Variants in SLC4A5 observed in about 807,000 individuals in gnomAD.
The protein encoded by SLC4A5 is electrogenic sodium bicarbonate cotransporter 4.
A neutral mutation model predicts 120.4 loss-of-function variants in SLC4A5; 96 were observed. That is an observed-to-expected ratio of 0.80 (90% confidence interval 0.68 to 0.94). SLC4A5 has a LOEUF of 0.94. Among genes scored for constraint, SLC4A5 ranks in the 40% least tolerant of loss-of-function variants. The pLI is 0.00. For missense variants in SLC4A5, 1,259 were observed against 1,459.5 expected (o/e 0.86, Z 2.24); for synonymous variants, 550 against 571.1 (o/e 0.96, Z 0.53).
chr2:74,316,869 T>C (rs1672982094), intron 5 of SLC4A5, among the ~76,000 whole-genome samples: 1 of 152,262 alleles, frequency 6.6e-6, no homozygotes, highest in Admixed American at 6.5e-5. Context: ...AACCATGGAC[T>C]GGTTCTGGTC....
chr2:74,311,795 T>G (rs1367706772), intron 6 of SLC4A5, among the ~76,000 whole-genome samples: 1 of 152,226 alleles, frequency 6.6e-6, no homozygotes, highest in Non-Finnish European at 1.5e-5. Flanking sequence ...GGACGAAGTA[T>G]TCTATAAATG....
intron 22 of SLC4A5, among the ~76,000 whole-genome samples, chr2:74,234,385 C>T (rs761447496): frequency 1.1e-4 from 17 of 152,254 alleles, no homozygotes; most frequent in Non-Finnish European, 2.4e-4. Flanking sequence ...TTCACCGTTA[C>T]CCAAGATGGT....
intron 19 of SLC4A5, among the ~76,000 whole-genome samples, chr2:74,242,869 G>C (rs1337306428): frequency 6.6e-6 from 1 of 152,176 alleles, no homozygotes; most frequent in African/African-American, 2.4e-5. Context: ...GGCCAGGCTG[G>C]TCTTGAACTC....
At chr2:74,281,813 C>T (rs939223599) in intron 8 of SLC4A5, among the ~76,000 whole-genome samples, 4 of 152,232 alleles carry the variant, frequency 2.6e-5, no homozygotes, top group Admixed American at 6.5e-5. Flanking sequence ...AAAGCAAACA[C>T]TCCCTGCAGC....
At chr2:74,304,809 G>A (rs1672590773) in intron 6 of SLC4A5, 129 bp from the exon 7 acceptor site, 3 of 879,882 alleles carry the variant, frequency 3.4e-6, no homozygotes, top group Non-Finnish European at 5.2e-6. Context: ...CCAGGATGGG[G>A]TCATTGCCCT....
At chr2:74,221,741 G>C (rs1015453728) in intron 29 of SLC4A5, among the ~76,000 whole-genome samples, 1 of 152,096 alleles carries the variant, frequency 6.6e-6, no homozygotes, top group Non-Finnish European at 1.5e-5. Context: ...AAATAGGAGT[G>C]GGGGAGGAGT....
chr2:74,334,965 G>A (rs925888510), intron 3 of SLC4A5, among the ~76,000 whole-genome samples: 2 of 150,342 alleles, frequency 1.3e-5, no homozygotes, highest in African/African-American at 5.0e-5. Context: ...CAGCTTGCAG[G>A]AGCAGAGAGT....
At chr2:74,313,608 T>C (rs1672874948) in intron 6 of SLC4A5, among the ~76,000 whole-genome samples, 2 of 152,208 alleles carry the variant, frequency 1.3e-5, no homozygotes, top group African/African-American at 4.8e-5. Context: ...TCTTATGAAG[T>C]ATGGCCTCAC....
chr2:74,330,320 GGGTGGTGAGGTCTAGAT>G lies in SLC4A5; in HGVS notation c.-69-2151_-69-2135del, dbSNP rs1313074990. On this transcript the variant is annotated intron_variant, in intron 4 of 30. Transcript: ENST00000394019. ...GGTGTAGGTGGTGAGGTATAGGTGA[GGGTGGTGAGGTCTAGAT>G]GGTGGTGAGGTCTAGATGGAGATGT... 3.3e-5 allele frequency among the ~76,000 whole-genome samples: 5 copies of G among 149,614 alleles called. No homozygotes were observed. The East Asian group carries it at 6.0e-4, about 18-fold the overall frequency.
chr2:74,238,705 T>C (rs556606703), intron 21 of SLC4A5, among the ~76,000 whole-genome samples: 2 of 152,338 alleles, frequency 1.3e-5, no homozygotes, highest in Non-Finnish European at 2.9e-5. Flanking sequence ...TCAATTCTGA[T>C]GGATTGTAGA....
At chr2:74,296,786 CAAAAAA>C (rs11374814) in intron 7 of SLC4A5, among the ~76,000 whole-genome samples, 2 of 73,036 alleles carry the variant, frequency 2.7e-5, no homozygotes, top group East Asian at 2.9e-4. Flanking sequence ...GACTCTGTCT[CAAAAAA>C]AAAAAAAAAA....
chr2:74,311,232 T>C (rs1462129963), intron 6 of SLC4A5, among the ~76,000 whole-genome samples: 1 of 152,186 alleles, frequency 6.6e-6, no homozygotes, highest in African/African-American at 2.4e-5. Context: ...TCAATTTTAT[T>C]AATCTTTTTA....
intron 3 of SLC4A5, among the ~76,000 whole-genome samples, chr2:74,334,734 T>C (rs1286078456): frequency 7.0e-6 from 1 of 143,688 alleles, no homozygotes; most frequent in Non-Finnish European, 1.5e-5. Context: ...GGACAACTTC[T>C]TTTTTTTTTC....
At chr2:74,328,050 T>C (rs1232468423) in intron 5 of SLC4A5, 70 bp downstream of exon 5, 1 of 806,596 alleles carries the variant, frequency 1.2e-6, no homozygotes, top group Non-Finnish European at 1.5e-6. Flanking sequence ...GTGTTCATGC[T>C]ATGAAACACA....
intron 5 of SLC4A5, among the ~76,000 whole-genome samples, chr2:74,327,075 T>C (rs1673234849): frequency 6.6e-6 from 1 of 152,186 alleles, no homozygotes; most frequent in South Asian, 2.1e-4. Context: ...TTGTTCCAGA[T>C]ATTTGCACTA....
intron 8 of SLC4A5, among the ~76,000 whole-genome samples, chr2:74,274,548 T>A (rs1408757450): frequency 6.6e-6 from 1 of 152,126 alleles, no homozygotes; most frequent in African/African-American, 2.4e-5. Flanking sequence ...TCAGCACACA[T>A]ATGGAGAAGT....
chr2:74,252,212 T>C lies in SLC4A5; in HGVS notation c.1445A>G (p.His482Arg), dbSNP rs754971638. 6.2e-7 allele frequency: 1 copy of C among 1,612,794 alleles called. No homozygotes were observed. The highest frequency in any genetic ancestry group is 8.5e-7 in the Non-Finnish European group (1 of 1,179,976). Reference sequence around the variant, plus strand: ...CCAGATAAGTTCCTCCCCGATTTCATGCATGGCTGGCATCTCTCCATCATC... The same window carrying C: ...CCAGATAAGTTCCTCCCCGATTTCACGCATGGCTGGCATCTCTCCATCATC... Residue 482 changes from histidine to arginine, a missense_variant, in exon 16 of 31, where the codon CAT becomes CGT. By Grantham distance (29) the His-to-Arg change is conservative. Transcript: ENST00000394019.
chr2:74,333,532 A>G (rs1213869366), intron 4 of SLC4A5, among the ~76,000 whole-genome samples: 1 of 152,274 alleles, frequency 6.6e-6, no homozygotes, highest in Admixed American at 6.5e-5. Flanking sequence ...AGTATAAAAA[A>G]CTATTTACAT....
intron 4 of SLC4A5, among the ~76,000 whole-genome samples, chr2:74,332,810 A>G (rs1026353820): frequency 3.3e-5 from 5 of 152,028 alleles, no homozygotes; most frequent in Admixed American, 1.3e-4. Context: ...TGTATGGCCA[A>G]CCTCATCCCT....
Sources: gnomAD v4.1 joint callset for allele counts (sites outside exome capture counted in the v4.1 genomes callset) on GRCh38, gnomAD v4.1.1 for gene constraint, MANE v1.5 for transcripts, NCBI Gene and HGNC (gene_info 2026-07-23, HGNC 2026-07-21) for gene names.